TENM4: variants seen among roughly 807,000 people sequenced by gnomAD.
The protein encoded by TENM4 is teneurin transmembrane protein 4, also known as teneurin-4.
A neutral mutation model predicts 243.3 loss-of-function variants in TENM4; 82 were observed. That is an observed-to-expected ratio of 0.34 (90% CI 0.28 to 0.40). TENM4 has a LOEUF of 0.40. Ranked by LOEUF, TENM4 falls within the 10% of genes least tolerant of loss-of-function variation. The pLI is 1.00. For synonymous variants in TENM4, 1,412 were observed against 1,456.3 expected, an observed-to-expected ratio of 0.97 and a Z score of 0.69; for missense variants, 3,138 against 3,673.3, an observed-to-expected ratio of 0.85 and a Z score of 3.77.
Position 79,428,730 on chromosome 11 carries a change from G to A in TENM4, c.-321+11779C>T, listed in dbSNP as rs1002903096. 5.9e-5 allele frequency among the ~76,000 whole-genome samples: 9 copies of A among 152,332 alleles called. No individual in the cohort carries two copies. In the East Asian group the frequency reaches 9.6e-4, roughly 16 times the overall value. ...CCAAATGCCCCAGTTTGCCAAAAACGAGGGCAGGGGTGGGAAAGAAACCTT... is the reference window on the plus strand; with the variant it reads ...CCAAATGCCCCAGTTTGCCAAAAACAAGGGCAGGGGTGGGAAAGAAACCTT... On this transcript the variant is annotated intron_variant, in intron 1 of 33. Transcript: ENST00000278550.
At chr11:78,738,614 G>A in intron 19 of TENM4, 44 bp from the exon 20 acceptor site, 1 of 1,589,664 alleles carries the variant, frequency 6.3e-7, no homozygotes, top group African/African-American at 1.3e-5. Context: ...ACCTTTCATG[G>A]TCAGAGCCCT....
rs576376170 is a variant in TENM4, at chr11:79,061,325, A to G, written c.493+3413T>C. ...GGGCACCTATGGGGAGTCTAGGTTT[A>G]GGGAGTCCAGTCTTGGAAGGGATGT... is the stretch of plus-strand genomic sequence containing the variant. On this transcript the variant is annotated intron_variant, in intron 6 of 33. Transcript: ENST00000278550. Among the ~76,000 whole-genome samples the G allele has an allele frequency of 9.2e-5, 14 of 152,328 alleles. 1 individual carries two copies. In the South Asian group the frequency reaches 2.9e-3, roughly 32 times the overall value.
At chr11:78,720,050 G>A (rs1320736657) in intron 25 of TENM4, among the ~76,000 whole-genome samples, 3 of 152,194 alleles carry the variant, frequency 2.0e-5, no homozygotes, top group Non-Finnish European at 4.4e-5. Context: ...ATGCAGTTAG[G>A]ATGACATCCT....
At chr11:78,856,349 A>G (rs1450065758) in intron 10 of TENM4, among the ~76,000 whole-genome samples, 171 bp from the exon 11 acceptor site, 1 of 152,126 alleles carries the variant, frequency 6.6e-6, no homozygotes, top group Non-Finnish European at 1.5e-5. Context: ...AGGAGTAAAA[A>G]GGTCCAGAAC....
At chr11:79,229,235 CTTGGTAGACAGG>C (rs1469069868) in intron 2 of TENM4, among the ~76,000 whole-genome samples, 1 of 152,230 alleles carries the variant, frequency 6.6e-6, no homozygotes, top group Non-Finnish European at 1.5e-5. Flanking sequence ...AGGGAGCAGC[CTTGGTAGACAGG>C]TTCTGCCATC....
intron 2 of TENM4, among the ~76,000 whole-genome samples, chr11:79,280,464 C>T (rs1309399132): frequency 1.3e-5 from 2 of 152,210 alleles, no homozygotes; most frequent in African/African-American, 2.4e-5. Flanking sequence ...CTTAGCTGGC[C>T]CCCTCCCATT....
intron 17 of TENM4, among the ~76,000 whole-genome samples, chr11:78,774,770 C>A (rs1476736902): frequency 1.3e-5 from 2 of 152,100 alleles, no homozygotes; most frequent in African/African-American, 4.8e-5. Flanking sequence ...GCATAACTGA[C>A]CCAATAGAGA....
chr11:78,760,249 G>A (rs560869785), intron 18 of TENM4, among the ~76,000 whole-genome samples: 10 of 152,306 alleles, frequency 6.6e-5, no homozygotes, highest in Admixed American at 3.9e-4. Context: ...CAGCATCCAC[G>A]TCACAGGACA....
At chr11:78,959,137 G>C (rs1001946865) in intron 6 of TENM4, among the ~76,000 whole-genome samples, 3 of 152,042 alleles carry the variant, frequency 2.0e-5, no homozygotes, top group African/African-American at 7.2e-5. Flanking sequence ...TTGCTCATTG[G>C]TTCATTCACT....
At position 78,670,134 on chromosome 11, in the gene TENM4, A is replaced by G. The variant is rs762572739; in HGVS notation, c.6211T>C (p.Phe2071Leu). 1 of 1,613,958 alleles carries G rather than the reference A, an allele frequency of 6.2e-7. No individual in the cohort carries two copies. The highest frequency in any genetic ancestry group is 2.2e-5 in the East Asian group (1 of 44,880). Reference sequence around the variant, plus strand: ...GCGTTGACCATGCCTTCCTCAGTGAAGCGGAAGATCTGTCGGTCAATCAGG... The same window carrying G: ...GCGTTGACCATGCCTTCCTCAGTGAGGCGGAAGATCTGTCGGTCAATCAGG... ...GPLIDRQIFRFTEEGMVNARF... is the reference protein window; with the variant it reads ...GPLIDRQIFRLTEEGMVNARF... The change falls in exon 32 of 34, where the codon TTC becomes CTC. Residue 2071 changes from phenylalanine (F) to leucine (L), a missense_variant. By Grantham distance (22) the Phe-to-Leu change is conservative. Around this residue, in one of 2 missense-constraint regions of TENM4, gnomAD observed 2,467 missense variants for 3,059.1 expected, o/e 0.81. Transcript: ENST00000278550.
At chr11:79,169,490 A>T (rs1477005956) in intron 3 of TENM4, among the ~76,000 whole-genome samples, 2 of 152,078 alleles carry the variant, frequency 1.3e-5, no homozygotes, top group Non-Finnish European at 2.9e-5. Context: ...CTCTTCCCCC[A>T]AGCTGCCTCT....
intron 1 of TENM4, among the ~76,000 whole-genome samples, chr11:79,343,114 A>C (rs966516102): frequency 3.3e-5 from 5 of 152,186 alleles, no homozygotes; most frequent in Non-Finnish European, 7.3e-5. Context: ...AACCCCTAGC[A>C]TGGATAGCTT....
chr11:79,377,391 T>A (rs1857912630), intron 1 of TENM4, among the ~76,000 whole-genome samples: 1 of 152,170 alleles, frequency 6.6e-6, no homozygotes, highest in East Asian at 1.9e-4. Context: ...CAGCATGTCA[T>A]CCCAGCTCTG....
intron 12 of TENM4, among the ~76,000 whole-genome samples, chr11:78,842,838 G>T (rs911109330): frequency 5.3e-5 from 8 of 152,204 alleles, no homozygotes; most frequent in African/African-American, 1.9e-4. Context: ...GGGGTGGTAG[G>T]CAGAAAATAT....
intron 9 of TENM4, among the ~76,000 whole-genome samples, chr11:78,879,536 G>A (rs1432278075): frequency 1.6e-5 from 2 of 124,104 alleles, no homozygotes; most frequent in Non-Finnish European, 3.3e-5. Flanking sequence ...GCCTCTGCAC[G>A]GCCGCCACCC....
At chr11:78,718,839 C>T (rs937097904) in intron 25 of TENM4, among the ~76,000 whole-genome samples, 1 of 152,172 alleles carries the variant, frequency 6.6e-6, no homozygotes, top group East Asian at 1.9e-4. Context: ...CTTATTTACA[C>T]TGGCTGCCAG....
chr11:78,676,077 C>T, intron 30 of TENM4, 75 bp downstream of exon 30: 2 of 1,350,938 alleles, frequency 1.5e-6, no homozygotes, highest in Non-Finnish European at 2.0e-6. Context: ...CAGGGAATTT[C>T]AAGAACAGAG....
chr11:79,223,062 G>T (rs1187493843), intron 2 of TENM4, among the ~76,000 whole-genome samples: 1 of 151,996 alleles, frequency 6.6e-6, no homozygotes, highest in African/African-American at 2.4e-5. Context: ...GGGTTGACAG[G>T]TGCAGCACAC....
chr11:78,671,781 T>C (rs1489592966), intron 31 of TENM4, among the ~76,000 whole-genome samples: 1 of 152,138 alleles, frequency 6.6e-6, no homozygotes, highest in African/African-American at 2.4e-5. Flanking sequence ...ATCCAGTGAG[T>C]ATTTGGGCCT....
Sources: gnomAD v4.1 joint callset for allele counts (sites outside exome capture counted in the v4.1 genomes callset) on GRCh38, gnomAD v4.1.1 for gene constraint, gnomAD v4.1.1 regional missense constraint, MANE v1.5 for transcripts, NCBI Gene and HGNC (gene_info 2026-07-23, HGNC 2026-07-21) for gene names.